MCTP1: variants seen among roughly 807,000 people sequenced by gnomAD.
MCTP1 encodes the protein multiple C2 and transmembrane domain containing 1.
A neutral mutation model predicts 120.6 loss-of-function variants in MCTP1; 69 were observed. That is an observed-to-expected ratio of 0.57 (90% CI 0.47 to 0.70). MCTP1 has a LOEUF of 0.70. Among genes scored for constraint, MCTP1 ranks in the 30% least tolerant of loss-of-function variants. The pLI is 0.00. For synonymous variants in MCTP1, 529 were observed against 493.1 expected (o/e 1.07, Z -0.96); for missense variants, 1,203 against 1,248.8 (o/e 0.96, Z 0.55).
intron 8 of MCTP1, among the ~76,000 whole-genome samples, chr5:94,913,249 C>T (rs1425006084): frequency 6.6e-6 from 1 of 152,018 alleles, no homozygotes; most frequent in African/African-American, 2.4e-5. Flanking sequence ...GTAGATACTT[C>T]AAGAATATCA....
chr5:94,894,445 G>A (rs772325724), intron 11 of MCTP1, among the ~76,000 whole-genome samples: 18 of 152,196 alleles, frequency 1.2e-4, no homozygotes, highest in Non-Finnish European at 2.2e-4. Context: ...AGAGAATCTA[G>A]AGAAGATCAA....
intron 12 of MCTP1, chr5:94,877,800 C>T (rs1799239015): frequency 6.6e-6 from 1 of 152,104 alleles, no homozygotes; most frequent in Non-Finnish European, 1.5e-5. Context: ...TAAAGTGACT[C>T]AAAAGATACT....
chr5:95,063,616 G>C (rs1749826784), intron 1 of MCTP1, among the ~76,000 whole-genome samples: 1 of 152,172 alleles, frequency 6.6e-6, no homozygotes, highest in African/African-American at 2.4e-5. Context: ...TCTTTATTCA[G>C]ACAGGGTCTT....
chr5:95,193,864 TA>T (rs1446013322), intron 1 of MCTP1, among the ~76,000 whole-genome samples: 1 of 152,152 alleles, frequency 6.6e-6, no homozygotes, highest in Non-Finnish European at 1.5e-5. Context: ...AAGAACCCCC[TA>T]TAAAGTAAGA....
intron 18 of MCTP1, among the ~76,000 whole-genome samples, chr5:94,786,676 T>A (rs1263404477): frequency 6.6e-6 from 1 of 152,210 alleles, no homozygotes; most frequent in African/African-American, 2.4e-5. Flanking sequence ...GTGTACTGTG[T>A]GATTGCTAAA....
At chr5:94,991,929 T>C (rs551850773) in intron 2 of MCTP1, among the ~76,000 whole-genome samples, 3 of 152,128 alleles carry the variant, frequency 2.0e-5, no homozygotes, top group South Asian at 2.1e-4. Context: ...AATGAATGTA[T>C]GGGAAATATC....
At chr5:95,230,899 A>T (rs984369562) in intron 1 of MCTP1, among the ~76,000 whole-genome samples, 2 of 152,186 alleles carry the variant, frequency 1.3e-5, no homozygotes, top group Non-Finnish European at 2.9e-5. Flanking sequence ...ACATGCTGAA[A>T]AAAACTTCCC....
In MCTP1 at chr5:95,137,444, A is replaced by C. The variant is rs1315368203; in HGVS notation, c.721-119960T>G. On this transcript the variant is annotated intron_variant, in intron 1 of 22. Transcript: ENST00000515393. ...CTAGCACACAGTAAGTGCTCAATACATATCATCATTAAACAGTATCCCCCA... is the reference window on the plus strand; with the variant it reads ...CTAGCACACAGTAAGTGCTCAATACCTATCATCATTAAACAGTATCCCCCA... Among the ~76,000 whole-genome samples the C allele has an allele frequency of 4.6e-5, 7 of 152,360 alleles. 1 individual carries two copies. The highest frequency in any genetic ancestry group is 1.7e-4 in the African/African-American group (7 of 41,588).
chr5:94,959,997 T>C (rs1393763616), intron 2 of MCTP1, among the ~76,000 whole-genome samples: 2 of 152,174 alleles, frequency 1.3e-5, no homozygotes, highest in African/African-American at 4.8e-5. Flanking sequence ...GCTGGATGCA[T>C]CATGCTACCT....
chr5:95,064,643 C>G (rs1253867804), intron 1 of MCTP1, among the ~76,000 whole-genome samples: 1 of 152,168 alleles, frequency 6.6e-6, no homozygotes, highest in African/African-American at 2.4e-5. Flanking sequence ...ACCAGAGGTG[C>G]AGTGGACTCT....
chr5:94,987,525 T>C (rs965125688), intron 2 of MCTP1, among the ~76,000 whole-genome samples: 9 of 152,210 alleles, frequency 5.9e-5, no homozygotes, highest in Non-Finnish European at 1.3e-4. Flanking sequence ...GGAAAGTCAA[T>C]ATTTACGGAG....
rs536134828 is a variant in MCTP1 at position 94,707,562 on chromosome 5, T to C, written c.2934A>G (p.Gln978=). 2.0e-5 allele frequency: 33 copies of C among 1,611,236 alleles called. No individual in the cohort carries two copies. Among genetic ancestry groups the C allele is most frequent in the East Asian group, 4.5e-5 (2 of 44,806 alleles). The part of the protein sequence containing the change: ...SRVPSDVQVV[Q]YQELKPDPSH... Reference sequence around the variant, plus strand: ...AAGGATCTGGTTTCAGTTCTTGGTATTGCACCTGTTTAAACAGAGTTCAGA... The same window carrying C: ...AAGGATCTGGTTTCAGTTCTTGGTACTGCACCTGTTTAAACAGAGTTCAGA... The change falls in exon 23 of 23, where the codon CAA becomes CAG. Residue 978 remains glutamine (Q), a synonymous_variant. Transcript: ENST00000515393.
intron 1 of MCTP1, among the ~76,000 whole-genome samples, chr5:95,094,713 C>T (rs996598539): frequency 3.3e-5 from 5 of 151,984 alleles, no homozygotes; most frequent in African/African-American, 9.7e-5. Context: ...TTGATAAATA[C>T]CAAACTATAA....
At chr5:94,979,274 ATTGTATG>A (rs1828864197) in intron 2 of MCTP1, 1 of 152,120 alleles carries the variant, frequency 6.6e-6, no homozygotes, top group Admixed American at 6.6e-5. Context: ...GATTTCTACC[ATTGTATG>A]TTGGATGTGT....
At chr5:94,747,244 T>C (rs1475512025) in intron 19 of MCTP1, among the ~76,000 whole-genome samples, 1 of 152,238 alleles carries the variant, frequency 6.6e-6, no homozygotes, top group Non-Finnish European at 1.5e-5. Context: ...ATTCTGACAA[T>C]GGTCATGCTC....
intron 1 of MCTP1, among the ~76,000 whole-genome samples, chr5:95,213,562 C>A (rs1262880788): frequency 6.6e-6 from 1 of 151,926 alleles, no homozygotes; most frequent in Non-Finnish European, 1.5e-5. Context: ...CCAAGTCAAT[C>A]CTAAGCCAAA....
intron 9 of MCTP1, among the ~76,000 whole-genome samples, chr5:94,911,262 A>C (rs558138634): frequency 1.3e-5 from 2 of 152,330 alleles, no homozygotes; most frequent in South Asian, 4.1e-4. Flanking sequence ...AGTTGTCCTA[A>C]GCTGTCTATG....
At chr5:95,260,992 A>C (rs1758421581) in intron 1 of MCTP1, among the ~76,000 whole-genome samples, 1 of 152,204 alleles carries the variant, frequency 6.6e-6, no homozygotes, top group Admixed American at 6.5e-5. Flanking sequence ...CTTTTTAAAA[A>C]GTTAAAATAA....
intron 1 of MCTP1, among the ~76,000 whole-genome samples, chr5:95,217,319 A>T (rs1307668442): frequency 1.3e-5 from 2 of 152,184 alleles, no homozygotes; most frequent in African/African-American, 4.8e-5. Context: ...GGATGTCAAA[A>T]ATTATCATTT....
Sources: gnomAD v4.1 joint callset for allele counts (sites outside exome capture counted in the v4.1 genomes callset) on GRCh38, gnomAD v4.1.1 for gene constraint, MANE v1.5 for transcripts, NCBI Gene and HGNC (gene_info 2026-07-23, HGNC 2026-07-21) for gene names.